The following IL1RAPL1 variants were observed in gnomAD, a reference collection of about 807,000 sequenced individuals.
IL1RAPL1 encodes interleukin-1 receptor accessory protein-like 1.
A neutral mutation model predicts 48.4 loss-of-function variants in IL1RAPL1; 3 were observed. The observed-to-expected ratio is 0.06, with a 90% CI of 0.03 to 0.16. The LOEUF (loss-of-function observed/expected upper bound fraction) is 0.16, where lower values mean the gene tolerates loss of function less well. IL1RAPL1 is among the 10% of genes least tolerant of loss of function. IL1RAPL1 has a pLI of 1.00. For missense variants in IL1RAPL1, 349 were observed against 530.6 expected (o/e 0.66, Z 3.36); for synonymous variants, 185 against 187.7 (o/e 0.99, Z 0.12).
At chrX:28,630,708 T>C (rs952498899) in intron 1 of IL1RAPL1, among the ~76,000 whole-genome samples, 1 of 112,440 alleles carries the variant, frequency 8.9e-6, no homozygotes, top group Non-Finnish European at 1.9e-5. Flanking sequence ...CATACTAGGC[T>C]GAGAGTGAAT....
chrX:29,607,679 A>G (rs893395032), intron 5 of IL1RAPL1, among the ~76,000 whole-genome samples: 5 of 111,403 alleles, frequency 4.5e-5, no homozygotes, highest in African/African-American at 1.6e-4. Flanking sequence ...CTCTTTTTCT[A>G]CTACCTTTCT....
intron 5 of IL1RAPL1, among the ~76,000 whole-genome samples, chrX:29,565,955 T>TTG (rs1922386163): frequency 9.6e-6 from 1 of 104,090 alleles, no homozygotes; most frequent in Non-Finnish European, 2.0e-5. Flanking sequence ...TTTGTTGTTG[T>TTG]TTTTTTTTTT....
At chrX:29,469,022 C>T (rs1272244400) in intron 5 of IL1RAPL1, among the ~76,000 whole-genome samples, 1 of 111,700 alleles carries the variant, frequency 9.0e-6, no homozygotes, top group African/African-American at 3.3e-5. Flanking sequence ...GGAAGTCTGT[C>T]TTTAAAGATA....
At chrX:28,755,030 G>T (rs1312332118) in intron 1 of IL1RAPL1, among the ~76,000 whole-genome samples, 1 of 110,441 alleles carries the variant, frequency 9.1e-6, no homozygotes, top group Non-Finnish European at 1.9e-5. Context: ...TTTCACTCTT[G>T]TCGCCCAGGC....
chrX:29,265,278 A>G (rs1221416437), intron 2 of IL1RAPL1, among the ~76,000 whole-genome samples: 1 of 109,722 alleles, frequency 9.1e-6, no homozygotes, highest in Non-Finnish European at 1.9e-5. Context: ...AATATGAATT[A>G]TGAATATTAT....
chrX:29,432,782 C>G (rs892088396), intron 5 of IL1RAPL1, among the ~76,000 whole-genome samples: 1 of 111,649 alleles, frequency 9.0e-6, no homozygotes, highest in Non-Finnish European at 1.9e-5. Context: ...AACCATAATA[C>G]TTCTCCTTCT....
intron 5 of IL1RAPL1, among the ~76,000 whole-genome samples, chrX:29,641,335 T>C (rs1925165615): frequency 8.8e-6 from 1 of 113,020 alleles, no homozygotes; most frequent in Non-Finnish European, 1.9e-5. Flanking sequence ...CCTTAACTCA[T>C]TCACCTGCGT....
intron 6 of IL1RAPL1, among the ~76,000 whole-genome samples, chrX:29,906,462 TATATATATATATATATA>T (rs1240199726): frequency 8.0e-3 from 5 of 624 alleles, no homozygotes; most frequent in Admixed American, 0.017. Context: ...ACTTTGTAAA[TATATATATATATATATA>T]TATATATATA....
At chrX:28,792,756 C>G (rs1324571728) in intron 2 of IL1RAPL1, among the ~76,000 whole-genome samples, 1 of 74,817 alleles carries the variant, frequency 1.3e-5, no homozygotes, top group African/African-American at 5.5e-5. Flanking sequence ...CCACTGCACT[C>G]CAGCCTGGGC....
intron 1 of IL1RAPL1, chrX:28,659,313 T>C: frequency 3.6e-6 from 2 of 553,403 alleles, no homozygotes; most frequent in Non-Finnish European, 6.6e-6. Context: ...TTCTGATGAC[T>C]AATTTCACGA....
chrX:29,908,375 AATATAT>A (rs71761547), intron 6 of IL1RAPL1, among the ~76,000 whole-genome samples: 6,696 of 102,179 alleles, frequency 0.066, 248 homozygotes, highest in Admixed American at 0.17. Flanking sequence ...CCATTTCAAA[AATATAT>A]ATATATATAT....
chrX:29,475,376 G>A (rs1602253221), intron 5 of IL1RAPL1, among the ~76,000 whole-genome samples: 3 of 111,889 alleles, frequency 2.7e-5, no homozygotes, highest in East Asian at 5.6e-4. Context: ...ATCTATGTGT[G>A]AATTAGCATA....
At chrX:29,500,126 T>C (rs1381218126) in intron 5 of IL1RAPL1, among the ~76,000 whole-genome samples, 3 of 110,002 alleles carry the variant, frequency 2.7e-5, no homozygotes, top group Non-Finnish European at 5.7e-5. Context: ...TACAGGTGCA[T>C]GCCACCACAC....
chrX:29,211,739 GA>G (rs201984409), intron 2 of IL1RAPL1, among the ~76,000 whole-genome samples: 1,571 of 111,490 alleles, frequency 0.014, 26 homozygotes, highest in African/African-American at 0.048. Context: ...TAATCCGTAC[GA>G]GACTGTACCT....
At chrX:28,725,943 T>C (rs1351318228) in intron 1 of IL1RAPL1, among the ~76,000 whole-genome samples, 1 of 112,238 alleles carries the variant, frequency 8.9e-6, no homozygotes, top group African/African-American at 3.2e-5. Flanking sequence ...AGAAAAAAAG[T>C]GAGGGATACT....
intron 2 of IL1RAPL1, among the ~76,000 whole-genome samples, chrX:29,281,086 T>A (rs997892044): frequency 1.1e-4 from 12 of 112,019 alleles, no homozygotes; most frequent in African/African-American, 2.9e-4. Context: ...GTAATGTACA[T>A]CCTCCTTTTC....
At chrX:29,308,610 A>G (rs915403945) in intron 3 of IL1RAPL1, among the ~76,000 whole-genome samples, 16 of 112,549 alleles carry the variant, frequency 1.4e-4, no homozygotes, top group Admixed American at 6.6e-4. Context: ...GCTGTGAAAC[A>G]GAATTAAACA....
intron 6 of IL1RAPL1, among the ~76,000 whole-genome samples, chrX:29,806,841 G>C (rs1057322464): frequency 9.0e-6 from 1 of 111,008 alleles, no homozygotes; most frequent in South Asian, 3.8e-4. Context: ...GGGACTGGTG[G>C]GAGGTGATTG....
chrX:28,830,992 T>TTCTCTCTCTCTCTCTCTCTCTC (rs1160527555), intron 2 of IL1RAPL1, among the ~76,000 whole-genome samples: 4 of 16,069 alleles, frequency 2.5e-4, no homozygotes, highest in African/African-American at 5.5e-4. Flanking sequence ...TGCCCAGGGT[T>TTCTCTCTCTCTCTCTCTCTCTC]TCTCTCTCTC....
Sources: allele counts gnomAD v4.1 joint callset (sites outside exome capture counted in the v4.1 genomes callset), GRCh38; gene constraint gnomAD v4.1.1; transcripts MANE v1.5; gene names NCBI Gene and HGNC (gene_info 2026-07-23, HGNC 2026-07-21).